Variants in SNTB1 observed in about 807,000 individuals in gnomAD.
SNTB1 encodes the protein syntrophin beta 1, also known as beta-1-syntrophin.
A neutral mutation model predicts 48.9 loss-of-function variants in SNTB1; 36 were observed. The ratio of observed to expected loss-of-function variants is 0.74; its 90% CI spans 0.56 to 0.97. SNTB1 has a LOEUF of 0.97. Ranked by LOEUF, SNTB1 falls within the 50% of genes least tolerant of loss-of-function variation. The probability of loss-of-function intolerance (pLI) is 0.00; values close to 1 mark genes in which losing one functional copy is unlikely to be tolerated. For missense variants in SNTB1, 786 were observed against 703.4 expected (o/e 1.12, Z -1.33); for synonymous variants, 299 against 294.6 (o/e 1.01, Z -0.15).
chr8:120,677,063 CAAA>C (rs11398062), intron 2 of SNTB1, among the ~76,000 whole-genome samples: 1 of 129,730 alleles, frequency 7.7e-6, no homozygotes. Context: ...GACCCTATCT[CAAA>C]AAAAAAAAAA....
At chr8:120,772,582 A>G (rs565264356) in intron 1 of SNTB1, among the ~76,000 whole-genome samples, 11 of 152,106 alleles carry the variant, frequency 7.2e-5, no homozygotes, top group South Asian at 4.1e-4. Flanking sequence ...GTGTTTGTGT[A>G]TGTGTGTAAA....
chr8:120,598,438 A>AT (rs1386356693), intron 3 of SNTB1, among the ~76,000 whole-genome samples: 2 of 152,204 alleles, frequency 1.3e-5, no homozygotes, highest in Admixed American at 6.5e-5. Flanking sequence ...CCTGAGTGTC[A>AT]TTTATGGCTG....
At chr8:120,649,571 G>A (rs1817370115) in intron 2 of SNTB1, among the ~76,000 whole-genome samples, 1 of 142,326 alleles carries the variant, frequency 7.0e-6, no homozygotes, top group South Asian at 2.5e-4. Flanking sequence ...TCTCTTCAAA[G>A]CTGTCAGACA....
At chr8:120,648,607 C>T (rs1277064900) in intron 2 of SNTB1, among the ~76,000 whole-genome samples, 2 of 151,724 alleles carry the variant, frequency 1.3e-5, no homozygotes, top group Non-Finnish European at 2.9e-5. Flanking sequence ...ACATTTTTTC[C>T]TTCATTTCAA....
At chr8:120,663,119 C>T (rs1025988510) in intron 2 of SNTB1, among the ~76,000 whole-genome samples, 9 of 152,012 alleles carry the variant, frequency 5.9e-5, no homozygotes, top group Admixed American at 3.3e-4. Flanking sequence ...GTTAACAGAG[C>T]CAGTTTGCCT....
chr8:120,718,863 T>A (rs1223697111), intron 1 of SNTB1, among the ~76,000 whole-genome samples: 1 of 152,126 alleles, frequency 6.6e-6, no homozygotes, highest in Non-Finnish European at 1.5e-5. Flanking sequence ...GAGTGTCAAT[T>A]CTACACACAC....
intron 2 of SNTB1, among the ~76,000 whole-genome samples, chr8:120,651,418 T>C (rs974223128): frequency 1.3e-5 from 2 of 152,190 alleles, no homozygotes; most frequent in African/African-American, 4.8e-5. Flanking sequence ...AAAAGAGCTA[T>C]ATGAGGTTCC....
chr8:120,602,087 GTTTGT>G (rs1816430391), intron 3 of SNTB1, among the ~76,000 whole-genome samples: 1 of 152,172 alleles, frequency 6.6e-6, no homozygotes, highest in Non-Finnish European at 1.5e-5. Context: ...CAGCCTTTTT[GTTTGT>G]TTTGTTTATT....
At chr8:120,640,047 A>C (rs1443729100) in intron 2 of SNTB1, among the ~76,000 whole-genome samples, 1 of 151,190 alleles carries the variant, frequency 6.6e-6, no homozygotes, top group Non-Finnish European at 1.5e-5. Context: ...ATCCTCTTTT[A>C]TTTCCTTGAG....
At chr8:120,670,945 A>G (rs1334628715) in intron 2 of SNTB1, among the ~76,000 whole-genome samples, 7 of 152,346 alleles carry the variant, frequency 4.6e-5, no homozygotes, top group Middle Eastern at 3.4e-3. Flanking sequence ...AAAGTTATCA[A>G]TTAGTAGAAG....
intron 3 of SNTB1, among the ~76,000 whole-genome samples, chr8:120,625,990 A>G (rs1291174001): frequency 6.6e-6 from 1 of 152,144 alleles, no homozygotes; most frequent in East Asian, 1.9e-4. Flanking sequence ...TGTTAATTAC[A>G]CTGTCAAGAT....
chr8:120,739,061 T>G (rs1245102008), intron 1 of SNTB1, among the ~76,000 whole-genome samples: 1 of 152,192 alleles, frequency 6.6e-6, no homozygotes, highest in Admixed American at 6.5e-5. Context: ...TGGGAGCCAA[T>G]GAGGTCCTCA....
chr8:120,778,786 C>A (rs1039873524), intron 1 of SNTB1, among the ~76,000 whole-genome samples: 3 of 152,038 alleles, frequency 2.0e-5, no homozygotes, highest in African/African-American at 7.3e-5. Flanking sequence ...TAAAATGTCT[C>A]AGAATCACAA....
chr8:120,675,348 T>G (rs1817818342), intron 2 of SNTB1, among the ~76,000 whole-genome samples: 1 of 152,226 alleles, frequency 6.6e-6, no homozygotes, highest in Non-Finnish European at 1.5e-5. Context: ...TACATTTACA[T>G]GATGATCCTA....
At position 120,632,663 on chromosome 8, in the gene SNTB1, CAG is replaced by C; in HGVS notation, c.789-14_789-13del. The C allele has an allele frequency of 6.2e-7, 1 of 1,613,240 alleles. No individual in the cohort carries two copies. The highest frequency in any genetic ancestry group is 8.5e-7 in the Non-Finnish European group (1 of 1,179,368). On this transcript the variant is annotated splice_polypyrimidine_tract_variant and intron_variant, in intron 2 of 6. Transcript: ENST00000517992. ...GGATTTCAAGCTGCCTAGAGGAGCA[CAG>C]AGAGAAGGGTTAGAAAGTTTCCTGG... is the stretch of plus-strand genomic sequence containing the variant.
intron 1 of SNTB1, among the ~76,000 whole-genome samples, chr8:120,757,292 G>T (rs758158453): frequency 9.2e-5 from 14 of 152,142 alleles, no homozygotes; most frequent in Non-Finnish European, 1.8e-4. Context: ...GCAGTAACCA[G>T]GCCAGCTGAG....
At position 120,537,240 on chromosome 8, in the gene SNTB1, C is replaced by G. The variant is rs900530109; in HGVS notation, c.*1637G>C. ...TAGGTAAGTGTGAGGAATGGTTCAC[C>G]GGATTTCGCCTTGAAGAACCACAAT... is the stretch of plus-strand genomic sequence containing the variant. On this transcript the variant is annotated 3_prime_UTR_variant, in exon 7 of 7. Coordinates refer to ENST00000517992, the MANE Select transcript of SNTB1 (RefSeq NM_021021.4). 1 of 151,764 alleles carries G rather than the reference C, an allele frequency of 6.6e-6. No individual in the cohort carries two copies. Among genetic ancestry groups the G allele is most frequent in the Non-Finnish European group, 1.5e-5 (1 of 67,962 alleles). 9.4% of individuals were successfully genotyped at this position (151,764 alleles called of 1,614,324 possible).
chr8:120,802,067 G>T (rs117901335), intron 1 of SNTB1, among the ~76,000 whole-genome samples: 67 of 152,138 alleles, frequency 4.4e-4, no homozygotes, highest in Non-Finnish European at 7.7e-4. Context: ...TCTTAAAGAT[G>T]AATAAACCAT....
chr8:120,587,121 T>C (rs1816156762), intron 3 of SNTB1, among the ~76,000 whole-genome samples: 1 of 152,102 alleles, frequency 6.6e-6, no homozygotes, highest in African/African-American at 2.4e-5. Flanking sequence ...CTTGGGAGGT[T>C]GAGGCAGGAG....
Sources: gnomAD v4.1 joint callset for allele counts (sites outside exome capture counted in the v4.1 genomes callset) on GRCh38, gnomAD v4.1.1 for gene constraint, MANE v1.5 for transcripts, NCBI Gene and HGNC (gene_info 2026-07-23, HGNC 2026-07-21) for gene names.